Variants in CLIC5 observed in about 807,000 individuals in gnomAD.
The protein encoded by CLIC5 is CLIC family member 5.
A neutral mutation model predicts 24.7 loss-of-function variants in CLIC5; 20 were observed. The ratio of observed to expected loss-of-function variants is 0.81; its 90% CI spans 0.57 to 1.18. The LOEUF is 1.18. CLIC5 is among the 50% of genes most tolerant of loss of function. CLIC5 has a pLI of 0.00. For synonymous variants in CLIC5, 159 were observed against 135.6 expected (o/e 1.17, Z -1.20); for missense variants, 341 against 326.1 (o/e 1.05, Z -0.35).
intron 4 of CLIC5, among the ~76,000 whole-genome samples, chr6:45,938,460 G>A (rs2127362198): frequency 6.6e-6 from 1 of 152,336 alleles, no homozygotes; most frequent in East Asian, 1.9e-4. Flanking sequence ...GGGAAGGAAT[G>A]TGTGGTGTCT....
At chr6:45,990,228 C>G (rs1434484225) in intron 1 of CLIC5, among the ~76,000 whole-genome samples, 1 of 152,126 alleles carries the variant, frequency 6.6e-6, no homozygotes, top group Non-Finnish European at 1.5e-5. Context: ...TTGCACTCAT[C>G]TGAATGCTTC....
At chr6:45,986,401 G>T (rs931682450) in intron 1 of CLIC5, among the ~76,000 whole-genome samples, 4 of 152,190 alleles carry the variant, frequency 2.6e-5, no homozygotes, top group Non-Finnish European at 4.4e-5. Context: ...ATGATTAGCT[G>T]TGTGACCTCA....
the CLIC5 span, among the ~76,000 whole-genome samples, chr6:46,108,333 AAGAG>A: frequency 1.3e-5 from 2 of 149,920 alleles, no homozygotes; most frequent in African/African-American, 4.9e-5. Context: ...AAAAAAAGGG[AAGAG>A]AGAGATTTTG....
chr6:46,048,420 A>T (rs757805018), intron 1 of CLIC5, among the ~76,000 whole-genome samples: 1 of 152,172 alleles, frequency 6.6e-6, no homozygotes, highest in Admixed American at 6.6e-5. Flanking sequence ...CAGTCTTAGC[A>T]TGGGAAGATT....
At chr6:46,089,588 C>T in the CLIC5 span, among the ~76,000 whole-genome samples, 1 of 152,064 alleles carries the variant, frequency 6.6e-6, no homozygotes, top group Admixed American at 6.6e-5. Context: ...TCGGGTGACA[C>T]AAATCCTTTT....
Position 46,080,209 on chromosome 6 carries a change from T to C in CLIC5, c.34A>G (p.Thr12Ala), listed in dbSNP as rs1426006173. 40 of 1,551,540 alleles carry C rather than the reference T, an allele frequency of 2.6e-5. No homozygotes were observed. The Admixed American group carries it at 7.5e-4, about 29-fold the overall frequency. Reference sequence around the variant, plus strand: ...TCATACGTCCTCTCATTTTGGATTGTGTCATAGATGGTGCTGTAGTCTTCG... The same window carrying C: ...TCATACGTCCTCTCATTTTGGATTGCGTCATAGATGGTGCTGTAGTCTTCG... Residue 12 changes from threonine (T) to alanine (A), a missense_variant, in exon 1 of 6, where the codon ACA becomes GCA. Physicochemically the swap from Thr to Ala is moderately conservative, Grantham distance 58. Coordinates refer to the CLIC5 transcript ENST00000185206.
chr6:46,032,884 A>C (rs1433860798), intron 1 of CLIC5, among the ~76,000 whole-genome samples: 2 of 152,024 alleles, frequency 1.3e-5, no homozygotes, highest in East Asian at 3.9e-4. Flanking sequence ...TTCCAAGGAC[A>C]ATCTGTAGCA....
chr6:46,044,655 G>T (rs1767906672), intron 1 of CLIC5, among the ~76,000 whole-genome samples: 1 of 152,118 alleles, frequency 6.6e-6, no homozygotes, highest in South Asian at 2.1e-4. Flanking sequence ...GGATGAAAAT[G>T]CTTCTGGGAA....
upstream of CLIC5, among the ~76,000 whole-genome samples, chr6:46,019,719 T>C (rs753219031): frequency 2.1e-5 from 3 of 145,190 alleles, no homozygotes; most frequent in Non-Finnish European, 3.0e-5. Flanking sequence ...AAAAGAAAGC[T>C]AACCTCTAAA....
At chr6:46,066,367 T>A (rs1031831958) in intron 1 of CLIC5, among the ~76,000 whole-genome samples, 5 of 152,174 alleles carry the variant, frequency 3.3e-5, no homozygotes, top group Non-Finnish European at 5.9e-5. Context: ...TTTCCTTCTC[T>A]GTTTTCTCCC....
chr6:45,971,981 T>G lies in CLIC5; in HGVS notation c.64-16737A>C, dbSNP rs188123264. The stretch of plus-strand genomic sequence containing the variant: ...AACAGATCCTGTTTTACTTTTCTCT[T>G]CTCAGTCCTATGATACAGTTCAGGG... On this transcript the variant is annotated intron_variant, in intron 1 of 5. Coordinates refer to ENST00000339561, the MANE Select transcript of CLIC5 (RefSeq NM_016929.5). Among the ~76,000 whole-genome samples the G allele has an allele frequency of 3.4e-3, 511 of 152,282 alleles. 2 individuals are homozygous for G. Among genetic ancestry groups the G allele is most frequent in the Non-Finnish European group, 3.4e-3 (232 of 68,026 alleles).
chr6:45,888,218 A>C (rs536618367), intron 6 of CLIC5, among the ~76,000 whole-genome samples: 1 of 152,190 alleles, frequency 6.6e-6, no homozygotes, highest in East Asian at 1.9e-4. Flanking sequence ...ACATGAGCCA[A>C]ATGAGTGGGG....
At chr6:45,921,869 G>A (rs1024641227) in intron 4 of CLIC5, among the ~76,000 whole-genome samples, 6 of 152,192 alleles carry the variant, frequency 3.9e-5, no homozygotes, top group Non-Finnish European at 7.3e-5. Flanking sequence ...CTTTGGCACT[G>A]AACCAAGAAC....
chr6:46,046,070 A>G (rs566060420), intron 1 of CLIC5, among the ~76,000 whole-genome samples: 202 of 152,294 alleles, frequency 1.3e-3, no homozygotes, highest in Non-Finnish European at 2.5e-3. Flanking sequence ...TAGTTACCCA[A>G]ACCATCTTCT....
intron 1 of CLIC5, among the ~76,000 whole-genome samples, chr6:46,039,985 C>T (rs185648254): frequency 6.6e-6 from 1 of 152,210 alleles, no homozygotes; most frequent in Admixed American, 6.5e-5. Context: ...ATGGATCCTG[C>T]CTTGCCACTT....
chr6:46,115,462 C>T, the CLIC5 span, among the ~76,000 whole-genome samples: 1 of 152,202 alleles, frequency 6.6e-6, no homozygotes, highest in Non-Finnish European at 1.5e-5. Context: ...ACTGTGCTTC[C>T]TCTAGTCCTA....
chr6:46,001,447 A>G (rs3777616), intron 1 of CLIC5, among the ~76,000 whole-genome samples: 51,070 of 152,024 alleles, frequency 0.34, 8,754 homozygotes, highest in Middle Eastern at 0.45. Flanking sequence ...GCTGCAAAAC[A>G]CTGCTTAGTG....
At chr6:45,957,838 T>A (rs1465793607) in intron 1 of CLIC5, among the ~76,000 whole-genome samples, 1 of 152,160 alleles carries the variant, frequency 6.6e-6, no homozygotes, top group Non-Finnish European at 1.5e-5. Flanking sequence ...TTAAATATCG[T>A]GATCTGTGAC....
intron 1 of CLIC5, among the ~76,000 whole-genome samples, chr6:45,966,345 C>T (rs1376344832): frequency 6.6e-6 from 1 of 150,822 alleles, no homozygotes; most frequent in Non-Finnish European, 1.5e-5. Context: ...AATGCCCAAG[C>T]CCCACTCTCA....
Sources: allele counts gnomAD v4.1 joint callset (sites outside exome capture counted in the v4.1 genomes callset), GRCh38; gene constraint gnomAD v4.1.1; transcripts MANE v1.5; gene names NCBI Gene and HGNC (gene_info 2026-07-23, HGNC 2026-07-21).